Variants in PXK observed in about 807,000 individuals in gnomAD.
PXK encodes the protein PX domain containing serine/threonine kinase like, also known as PX domain-containing protein kinase-like protein.
Under a neutral mutation model 84.7 loss-of-function variants are expected in PXK, and 35 were observed. The observed-to-expected ratio is 0.41, with a 90% CI of 0.32 to 0.55. The LOEUF is 0.55. Ranked by LOEUF, PXK falls within the 20% of genes least tolerant of loss-of-function variation. The pLI is 0.21. For missense variants in PXK, 634 were observed against 699.7 expected (o/e 0.91, Z 1.06); for synonymous variants, 253 against 260.8 (o/e 0.97, Z 0.29).
intron 17 of PXK, among the ~76,000 whole-genome samples, chr3:58,424,348 T>C (rs918766554): frequency 2.0e-5 from 3 of 152,178 alleles, no homozygotes; most frequent in Non-Finnish European, 4.4e-5. Context: ...ATCATGCAGA[T>C]GTCTATCTTT....
intron 1 of PXK, among the ~76,000 whole-genome samples, chr3:58,346,344 C>T (rs1008305440): frequency 6.6e-6 from 1 of 151,918 alleles, no homozygotes; most frequent in South Asian, 2.1e-4. Flanking sequence ...GTCAAGGATG[C>T]TAATGGAACA....
chr3:58,354,227 A>G lies in PXK; in HGVS notation c.103-11647A>G, dbSNP rs887165014. Among the ~76,000 whole-genome samples the G allele has an allele frequency of 1.3e-5, 2 of 152,112 alleles. 1 individual carries two copies. Among genetic ancestry groups the G allele is most frequent in the African/African-American group, 4.8e-5 (2 of 41,420 alleles). On this transcript the variant is annotated intron_variant, in intron 1 of 17. Transcript: ENST00000356151. ...TTGGCAGATAGTGTGAGTGGTGCCT[A>G]TGGGAGCCACCACTACAGAGCCCAG...
intron 1 of PXK, among the ~76,000 whole-genome samples, chr3:58,335,110 A>C (rs1008363151): frequency 4.0e-5 from 6 of 151,544 alleles, no homozygotes; most frequent in African/African-American, 1.5e-4. Flanking sequence ...GCCTGGGCTC[A>C]GGCCGTTCTC....
intron 3 of PXK, among the ~76,000 whole-genome samples, chr3:58,377,374 T>TTAC (rs552922982): frequency 5.8e-4 from 89 of 152,284 alleles, no homozygotes; most frequent in Non-Finnish European, 1.1e-3. Context: ...TCTTTAGACC[T>TTAC]TACCCTCGAT....
chr3:58,396,656 AAGCACTGATAAGAT>A (rs2057726130), intron 9 of PXK, among the ~76,000 whole-genome samples: 1 of 152,238 alleles, frequency 6.6e-6, no homozygotes, highest in Admixed American at 6.5e-5. Context: ...TTACTGGCAG[AAGCACTGATAAGAT>A]AGCTTCACTC....
chr3:58,373,207 A>G (rs2098401967), intron 3 of PXK, among the ~76,000 whole-genome samples: 1 of 151,028 alleles, frequency 6.6e-6, no homozygotes, highest in East Asian at 2.0e-4. Context: ...CCTCCTGAGT[A>G]GCTAAGACTA....
At chr3:58,382,388 C>A in intron 3 of PXK, 126 bp from the exon 4 acceptor site, 1 of 688,368 alleles carries the variant, frequency 1.5e-6, no homozygotes, top group Non-Finnish European at 2.2e-6. Flanking sequence ...TTTTATATCA[C>A]TGAAATTAGG....
intron 4 of PXK, among the ~76,000 whole-genome samples, chr3:58,386,290 C>CCTTTTTTTT (rs2098550056): frequency 1.2e-5 from 1 of 82,252 alleles, no homozygotes; most frequent in African/African-American, 4.9e-5. Flanking sequence ...ATCCCCCTTA[C>CCTTTTTTTT]TTTTTTTTTT....
intron 1 of PXK, among the ~76,000 whole-genome samples, chr3:58,346,902 G>A (rs1171498337): frequency 1.3e-5 from 2 of 152,058 alleles, no homozygotes; most frequent in Non-Finnish European, 2.9e-5. Context: ...GCAGTGGTGC[G>A]ATCTCGGCTC....
chr3:58,395,875 CTGATTG>C, intron 9 of PXK, 116 bp downstream of exon 9: 1 of 764,456 alleles, frequency 1.3e-6, no homozygotes. Context: ...TACTTATAAA[CTGATTG>C]CATTGTCATA....
intron 17 of PXK, chr3:58,422,090 C>T (rs2061967582): frequency 4.1e-6 from 4 of 985,350 alleles, no homozygotes; most frequent in Non-Finnish European, 4.8e-6. Context: ...GCCCCCTCTT[C>T]CTCCATTGTT....
intron 17 of PXK, chr3:58,423,034 T>C: frequency 1.0e-6 from 1 of 985,356 alleles, no homozygotes; most frequent in Non-Finnish European, 1.2e-6. Context: ...CACTGGCACC[T>C]ACTTACCCCC....
intron 4 of PXK, 62 bp downstream of exon 4, chr3:58,382,762 GA>G: frequency 8.1e-7 from 1 of 1,230,684 alleles, no homozygotes; most frequent in Non-Finnish European, 1.1e-6. Flanking sequence ...CCTTGCTGGA[GA>G]TAACGTATGT....
intron 17 of PXK, among the ~76,000 whole-genome samples, chr3:58,419,870 C>T (rs1187904416): frequency 1.3e-5 from 2 of 152,094 alleles, no homozygotes; most frequent in East Asian, 1.9e-4. Context: ...ACAAGAAAAA[C>T]ATTTGCCTTG....
Position 58,407,535 on chromosome 3 carries a change from TTTTATTTATTTA to T in PXK, c.1231-1373_1231-1362del, listed in dbSNP as rs35342339. Among the ~76,000 whole-genome samples the T allele has an allele frequency of 2.0e-5, 3 of 150,438 alleles. No homozygotes were observed. The highest frequency in any genetic ancestry group is 7.3e-5 in the African/African-American group (3 of 40,930). On this transcript the variant is annotated intron_variant, in intron 13 of 17. Coordinates refer to ENST00000356151, the MANE Select transcript of PXK (RefSeq NM_017771.5). The surrounding 1 kb of genome is among the most constrained non-coding windows in gnomAD (Gnocchi z 4.3). ...TCCGTTTTTCTTTGTTGCACCAATG[TTTTATTTATTTA>T]TTTATTTATTTATTTTTCTTTTTTT...
At chr3:58,419,224 A>G (rs748159576) in intron 17 of PXK, among the ~76,000 whole-genome samples, 6 of 152,176 alleles carry the variant, frequency 3.9e-5, no homozygotes, top group Non-Finnish European at 7.3e-5. Flanking sequence ...GGGTCTTACA[A>G]CCTATAGTCA....
intron 17 of PXK, 59 bp from the exon 18 acceptor site, chr3:58,424,693 A>AT: frequency 6.4e-7 from 1 of 1,572,128 alleles, no homozygotes; most frequent in African/African-American, 1.3e-5. Context: ...ACTGAGCAGC[A>AT]GCGTGTGTGC....
Position 58,401,048 on chromosome 3 carries a change from A to G in PXK, c.1181+1671A>G, listed in dbSNP as rs2058489545. ...TACAGGTTGATTTACTTGAGTTTGC[A>G]TTTACACTCCCCATTCCAAAGCTCT... On this transcript the variant is annotated intron_variant, in intron 12 of 17. Coordinates refer to ENST00000356151, the MANE Select transcript of PXK (RefSeq NM_017771.5). This position sits in a 1 kb window ranked among gnomAD's most constrained non-coding sequence, Gnocchi z 4.4. Among the ~76,000 whole-genome samples, 1 of 152,242 alleles carries G rather than the reference A, an allele frequency of 6.6e-6. No homozygotes were observed. Among genetic ancestry groups the G allele is most frequent in the African/African-American group, 2.4e-5 (1 of 41,468 alleles).
chr3:58,377,419 C>G (rs1290859406), intron 3 of PXK, among the ~76,000 whole-genome samples: 2 of 152,082 alleles, frequency 1.3e-5, no homozygotes, highest in Admixed American at 6.6e-5. Context: ...CTAATATAAG[C>G]ACAAGTCTAG....
Sources: gnomAD v4.1 joint callset for allele counts (sites outside exome capture counted in the v4.1 genomes callset) on GRCh38, gnomAD v4.1.1 for gene constraint, Gnocchi (gnomAD v3.1) non-coding constraint, MANE v1.5 for transcripts, NCBI Gene and HGNC (gene_info 2026-07-23, HGNC 2026-07-21) for gene names.